Variants in NEK11 observed in about 807,000 individuals in gnomAD.
The protein encoded by NEK11 is serine/threonine-protein kinase Nek11.
A neutral mutation model predicts 80.7 loss-of-function variants in NEK11; 72 were observed. That is an observed-to-expected ratio of 0.89 (90% CI 0.74 to 1.08). The LOEUF is 1.08. Among genes scored for constraint, NEK11 ranks in the 50% least tolerant of loss-of-function variants. NEK11 has a pLI of 0.00. For synonymous variants in NEK11, 251 were observed against 260.7 expected (o/e 0.96, Z 0.36); for missense variants, 764 against 763.6 (o/e 1.00, Z -0.01).
intron 3 of NEK11, among the ~76,000 whole-genome samples, chr3:131,075,947 C>T (rs2074276598): frequency 6.6e-6 from 1 of 152,136 alleles, no homozygotes; most frequent in African/African-American, 2.4e-5. Context: ...TGACCTAGTG[C>T]CCTTGAGCTC....
At chr3:131,269,134 T>A (rs1033801491) in intron 16 of NEK11, among the ~76,000 whole-genome samples, 1 of 152,344 alleles carries the variant, frequency 6.6e-6, no homozygotes, top group South Asian at 2.1e-4. Flanking sequence ...AGCTTGAGCA[T>A]CCCAGGTTGA....
intron 16 of NEK11, among the ~76,000 whole-genome samples, chr3:131,255,584 AT>A (rs1474202770): frequency 2.0e-5 from 3 of 152,076 alleles, no homozygotes; most frequent in Non-Finnish European, 4.4e-5. Flanking sequence ...ACTTCTTGAT[AT>A]TTCCATGAAT....
intron 14 of NEK11, among the ~76,000 whole-genome samples, chr3:131,197,389 T>A (rs1274252571): frequency 6.6e-6 from 1 of 152,086 alleles, no homozygotes; most frequent in African/African-American, 2.4e-5. Context: ...TAGATCTTAG[T>A]CATGGACTGC....
intron 11 of NEK11, among the ~76,000 whole-genome samples, chr3:131,164,383 A>G (rs564046286): frequency 6.6e-6 from 1 of 152,338 alleles, no homozygotes; most frequent in Admixed American, 6.5e-5. Flanking sequence ...AACCACTATG[A>G]CATTGAGTGT....
chr3:131,248,928 G>A (rs1200933777), intron 16 of NEK11, among the ~76,000 whole-genome samples: 4 of 151,680 alleles, frequency 2.6e-5, no homozygotes, highest in African/African-American at 7.3e-5. Context: ...GATTGTGTCT[G>A]GAAAAAGATA....
chr3:131,040,497 T>C (rs1458313218), intron 3 of NEK11, among the ~76,000 whole-genome samples: 1 of 152,190 alleles, frequency 6.6e-6, no homozygotes, highest in Non-Finnish European at 1.5e-5. Flanking sequence ...ACCTTAACAA[T>C]TGTGTTTAGA....
At chr3:131,269,454 A>G (rs2096133839) in intron 16 of NEK11, among the ~76,000 whole-genome samples, 1 of 152,220 alleles carries the variant, frequency 6.6e-6, no homozygotes. Flanking sequence ...GGAAAAGCAT[A>G]GTATCTGGGC....
chr3:131,192,418 A>G (rs1466030239), intron 14 of NEK11, among the ~76,000 whole-genome samples: 9 of 152,206 alleles, frequency 5.9e-5, no homozygotes, highest in African/African-American at 2.2e-4. Context: ...CATATTTTCC[A>G]GCAGTTCCAC....
In NEK11 at chr3:131,189,432, G is replaced by T. The variant is rs548018734; in HGVS notation, c.1399+18545G>T. On this transcript the variant is annotated intron_variant, in intron 14 of 17. Transcript: ENST00000383366. ...AATGCATTGGCAGATTCAGTGTCTG[G>T]CAAGGGCCTATTTTCTGGTTCATAG... Among the ~76,000 whole-genome samples, 4 of 152,270 alleles carry T rather than the reference G, an allele frequency of 2.6e-5. No homozygotes were observed. The South Asian group carries it at 6.2e-4, about 24-fold the overall frequency.
intron 3 of NEK11, among the ~76,000 whole-genome samples, chr3:131,067,762 G>A (rs1389269): frequency 0.15 from 23,280 of 152,182 alleles, 1,846 homozygotes; most frequent in Non-Finnish European, 0.17. Flanking sequence ...AATAAATTAT[G>A]TAATAAGAGA....
At chr3:131,153,514 A>T (rs552726510) in intron 9 of NEK11, among the ~76,000 whole-genome samples, 44 of 152,126 alleles carry the variant, frequency 2.9e-4, no homozygotes, top group African/African-American at 8.7e-4. Flanking sequence ...GTTTTTTTTT[A>T]AAACTTCTCA....
chr3:131,090,520 A>G (rs1322354161), intron 4 of NEK11, among the ~76,000 whole-genome samples: 1 of 152,260 alleles, frequency 6.6e-6, no homozygotes, highest in Admixed American at 6.5e-5. Flanking sequence ...TTAAGAAAAC[A>G]GAATATACTT....
At chr3:131,042,782 C>G (rs991908230) in intron 3 of NEK11, among the ~76,000 whole-genome samples, 1 of 152,314 alleles carries the variant, frequency 6.6e-6, no homozygotes, top group African/African-American at 2.4e-5. Flanking sequence ...ACTGCCTCCA[C>G]AAGTGGGTCC....
At chr3:131,203,002 AT>A (rs35367855) in intron 14 of NEK11, among the ~76,000 whole-genome samples, 65,451 of 152,014 alleles carry the variant, frequency 0.43, 16,668 homozygotes, top group Middle Eastern at 0.66. Context: ...TAGTTCAACC[AT>A]TGTGGAAGGC....
At chr3:131,174,783 T>G in intron 14 of NEK11, 1 of 1,611,108 alleles carries the variant, frequency 6.2e-7, no homozygotes, top group Non-Finnish European at 8.5e-7. Flanking sequence ...ACAGCTGACT[T>G]TCAGAGCAGT....
At chr3:131,205,526 T>C (rs2094417574) in intron 14 of NEK11, among the ~76,000 whole-genome samples, 1 of 152,164 alleles carries the variant, frequency 6.6e-6, no homozygotes, top group Admixed American at 6.5e-5. Flanking sequence ...CCCAGCTGTG[T>C]CTCTTTTTGT....
At chr3:131,087,113 T>C (rs2076079493) in intron 4 of NEK11, among the ~76,000 whole-genome samples, 1 of 152,196 alleles carries the variant, frequency 6.6e-6, no homozygotes, top group Non-Finnish European at 1.5e-5. Flanking sequence ...ATTTCACTGT[T>C]ACTCACCCCC....
chr3:131,117,533 G>T (rs2081481909), intron 5 of NEK11, among the ~76,000 whole-genome samples: 1 of 152,190 alleles, frequency 6.6e-6, no homozygotes, highest in African/African-American at 2.4e-5. Flanking sequence ...TAGCTTGATG[G>T]GGATGGCATT....
At chr3:131,318,613 A>G (rs1333465556) in intron 17 of NEK11, among the ~76,000 whole-genome samples, 1 of 152,066 alleles carries the variant, frequency 6.6e-6, no homozygotes, top group Non-Finnish European at 1.5e-5. Context: ...GAAGTGAGAA[A>G]GATCTGCACA....
Sources: gnomAD v4.1 joint callset for allele counts (sites outside exome capture counted in the v4.1 genomes callset) on GRCh38, gnomAD v4.1.1 for gene constraint, MANE v1.5 for transcripts, NCBI Gene and HGNC (gene_info 2026-07-23, HGNC 2026-07-21) for gene names.